The following AFF1 variants were observed in gnomAD, a reference collection of about 807,000 sequenced individuals.
AFF1 encodes the protein ALF transcription elongation factor 1.
Under a neutral mutation model 121.7 loss-of-function variants are expected in AFF1, and 48 were observed. That is an observed-to-expected ratio of 0.39 (90% confidence interval 0.31 to 0.50). The LOEUF is 0.50. AFF1 is among the 20% of genes least tolerant of loss of function. The pLI is 0.76. For missense variants in AFF1, 1,523 were observed against 1,511.7 expected, an observed-to-expected ratio of 1.01 and a Z score of -0.12; for synonymous variants, 613 against 563.0, an observed-to-expected ratio of 1.09 and a Z score of -1.26.
intron 2 of AFF1, chr4:87,007,467 G>T (rs1489547589): frequency 6.2e-7 from 1 of 1,613,682 alleles, no homozygotes; most frequent in Admixed American, 1.7e-5. Flanking sequence ...CGTTCGTGGC[G>T]AGGGGAGCTG....
intron 2 of AFF1, chr4:87,007,532 G>T: frequency 7.0e-7 from 1 of 1,432,032 alleles, no homozygotes. Flanking sequence ...AAGCAGCTTT[G>T]TCATTGCCTT....
chr4:87,091,838 A>C lies in AFF1; in HGVS notation c.1228+9A>C, dbSNP rs1246001581. ...TGTAACCCAAAACCAAAGTAAGTAAATTTGAAACTGCTTATTGGATTGGAG... is the reference window on the plus strand; with the variant it reads ...TGTAACCCAAAACCAAAGTAAGTAACTTTGAAACTGCTTATTGGATTGGAG... On this transcript the variant is annotated intron_variant, in intron 7 of 20. Coordinates refer to ENST00000395146, the MANE Select transcript of AFF1 (RefSeq NM_001166693.3). 3 of 1,556,836 alleles carry C rather than the reference A, an allele frequency of 1.9e-6. No homozygotes were observed. In the Admixed American group the frequency reaches 6.0e-5, roughly 31 times the overall value.
rs768726135 is a variant in AFF1, at chr4:87,047,046, C to T, written c.511C>T (p.Leu171Phe). The T allele has an allele frequency of 1.5e-5, 24 of 1,614,050 alleles. No homozygotes were observed. Among genetic ancestry groups the T allele is most frequent in the Non-Finnish European group, 8.5e-6 (10 of 1,180,032 alleles). ...CAGCCAGCACCTGACCCAGGATCGC[C>T]TTGGTCAGGAGGGGTTCGGCTCTAG... ...PDSQHLTQDR[L>F]GQEGFGSSHH... Residue 171 changes from leucine to phenylalanine, a missense_variant, in exon 4 of 21, where the codon CTT (leucine) becomes TTT (phenylalanine). Leu to Phe is a conservative substitution (Grantham distance 22). Coordinates refer to ENST00000395146, the MANE Select transcript of AFF1 (RefSeq NM_001166693.3).
chr4:87,116,502 A>G (rs1369899836), intron 12 of AFF1, among the ~76,000 whole-genome samples: 1 of 152,242 alleles, frequency 6.6e-6, no homozygotes, highest in Non-Finnish European at 1.5e-5. Context: ...ACACTCTTGT[A>G]AGTATGTGAA....
At position 87,127,634 on chromosome 4, in the gene AFF1, CTTTT is replaced by C. The variant is rs775078274; in HGVS notation, c.2904-7_2904-4del. ...ATATGACCTGTCCCTGGTTTTTCCT[CTTTT>C]TCAGACAACAAGCAGACCTTCACAT... On this transcript the variant is annotated splice_region_variant and splice_polypyrimidine_tract_variant and intron_variant, in intron 15 of 20. Transcript: ENST00000395146. The C allele has an allele frequency of 6.2e-7, 1 of 1,613,864 alleles. No individual in the cohort carries two copies. Among genetic ancestry groups the C allele is most frequent in the Admixed American group, 1.7e-5 (1 of 59,980 alleles).
chr4:87,030,340 TG>T (rs1274356172), intron 2 of AFF1, among the ~76,000 whole-genome samples: 15 of 152,368 alleles, frequency 9.8e-5, no homozygotes, highest in Admixed American at 3.3e-4. Flanking sequence ...TATGTTCCAA[TG>T]AATCTTTATT....
At chr4:86,973,280 TTTGG>T (rs142263932) in intron 2 of AFF1, among the ~76,000 whole-genome samples, 6,919 of 152,108 alleles carry the variant, frequency 0.045, 219 homozygotes, top group Middle Eastern at 0.075. Context: ...GAGAGACCAG[TTTGG>T]TTGGATCCCA....
At chr4:86,958,556 T>C (rs1019577753) in intron 2 of AFF1, among the ~76,000 whole-genome samples, 1 of 151,850 alleles carries the variant, frequency 6.6e-6, no homozygotes, top group Admixed American at 6.6e-5. Context: ...CCGTCTCTAC[T>C]GAAAATAAAA....
intron 12 of AFF1, among the ~76,000 whole-genome samples, chr4:87,120,564 A>G (rs182261798): frequency 1.3e-5 from 2 of 152,156 alleles, no homozygotes; most frequent in African/African-American, 2.4e-5. Flanking sequence ...TCTTTTTCAC[A>G]TGTGTTTTCT....
chr4:87,091,318 G>A (rs1163116954), intron 6 of AFF1, among the ~76,000 whole-genome samples: 6 of 152,088 alleles, frequency 3.9e-5, no homozygotes, highest in African/African-American at 9.7e-5. Flanking sequence ...CAGAAGAATC[G>A]CTTGAACCTG....
In AFF1 at chr4:86,995,831, G is replaced by A. The variant is rs575242171; in HGVS notation, c.38+47260G>A. On this transcript the variant is annotated intron_variant, in intron 2 of 20. Transcript: ENST00000395146. ...CTGCCCAGTCTGGAAAGTGAGGAGC[G>A]TCTCTGCCTGGCCGCCATCCCATCT... Among the ~76,000 whole-genome samples the A allele has an allele frequency of 3.1e-4, 46 of 150,532 alleles. No individual in the cohort carries two copies. In the East Asian group the frequency reaches 7.3e-3, roughly 24 times the overall value.
intron 13 of AFF1, among the ~76,000 whole-genome samples, chr4:87,125,870 C>T (rs1055852731): frequency 6.6e-6 from 1 of 152,124 alleles, no homozygotes; most frequent in Non-Finnish European, 1.5e-5. Context: ...AAGTCAGGAC[C>T]ACTGGCAGAC....
Position 87,009,685 on chromosome 4 carries a change from G to A in AFF1, c.39-36481G>A, listed in dbSNP as rs193065315. On this transcript the variant is annotated intron_variant, in intron 2 of 20. Transcript: ENST00000395146. ...TCAGATAATTGTGCTCTGTGGGAGA[G>A]AAGGTAATCTTTGAGATCCAAAGAG... 9.2e-4 allele frequency among the ~76,000 whole-genome samples: 140 copies of A among 152,320 alleles called. 3 individuals carry two copies. Among genetic ancestry groups the A allele is most frequent in the Admixed American group, 8.8e-3 (134 of 15,300 alleles).
intron 2 of AFF1, among the ~76,000 whole-genome samples, chr4:86,992,554 T>C (rs1320015271): frequency 1.1e-4 from 16 of 151,818 alleles, no homozygotes. Context: ...TTAAGCGTTT[T>C]AAGGCATGAA....
rs770863567 is a variant in AFF1, at chr4:87,126,296, GAGT to G, written c.2774_2776del (p.Val925del). The G allele has an allele frequency of 2.5e-5, 41 of 1,614,012 alleles. No homozygotes were observed. Among genetic ancestry groups the G allele is most frequent in the Non-Finnish European group, 3.4e-5 (40 of 1,180,042 alleles). ...GACTCTTCCATTCCCAAGCAGAGAA[GAGT>G]AGAGGGGAAGGGCTCCAGAAGCTCC... On this transcript the variant is annotated inframe_deletion, in exon 14 of 21. Coordinates refer to ENST00000395146, the MANE Select transcript of AFF1 (RefSeq NM_001166693.3).
At chr4:87,129,305 A>T (rs572598481) in intron 16 of AFF1, among the ~76,000 whole-genome samples, 1 of 152,340 alleles carries the variant, frequency 6.6e-6, no homozygotes, top group South Asian at 2.1e-4. Flanking sequence ...GTAGAAAGGG[A>T]TGTATTTCTT....
rs1359914527 is a variant in AFF1, at chr4:86,975,303, T to G, written c.38+26732T>G. ...TCTCACTCTGTTACCCAGGCTGGAGTGCAGTGGTGCAGTCTCTACCCACTG... is the reference window on the plus strand; with the variant it reads ...TCTCACTCTGTTACCCAGGCTGGAGGGCAGTGGTGCAGTCTCTACCCACTG... On this transcript the variant is annotated intron_variant, in intron 2 of 20. Transcript: ENST00000395146. Among the ~76,000 whole-genome samples, 3 of 152,142 alleles carry G rather than the reference T, an allele frequency of 2.0e-5. No individual in the cohort carries two copies. In the East Asian group the frequency reaches 5.8e-4, roughly 29 times the overall value.
In AFF1 at chr4:87,119,158, C is replaced by CT. The variant is rs543633600; in HGVS notation, c.2466+3860dup. Among the ~76,000 whole-genome samples, 383 of 152,270 alleles carry CT rather than the reference C, an allele frequency of 2.5e-3. 7 individuals carry two copies. The highest frequency in any genetic ancestry group is 0.024 in the Admixed American group (360 of 15,288). ...ACAGGCATGAGTCACCATGCCTGGC[C>CT]TATGTTTTCTTCTTCAGAATTCTTA... On this transcript the variant is annotated intron_variant, in intron 12 of 20. Transcript: ENST00000395146.
At chr4:87,108,808 G>A (rs1015330147) in intron 11 of AFF1, among the ~76,000 whole-genome samples, 5 of 152,194 alleles carry the variant, frequency 3.3e-5, no homozygotes, top group African/African-American at 7.2e-5. Flanking sequence ...TAAAAGCCAT[G>A]CATTAAATTG....
Sources: allele counts gnomAD v4.1 joint callset (sites outside exome capture counted in the v4.1 genomes callset), GRCh38; gene constraint gnomAD v4.1.1; transcripts MANE v1.5; gene names NCBI Gene and HGNC (gene_info 2026-07-23, HGNC 2026-07-21).